PTPRN2: variants seen among roughly 807,000 people sequenced by gnomAD.
PTPRN2 encodes protein tyrosine phosphatase receptor type N2.
Under a neutral mutation model 118.8 loss-of-function variants are expected in PTPRN2, and 74 were observed. That is an observed-to-expected ratio of 0.62 (90% CI 0.52 to 0.76). The LOEUF (loss-of-function observed/expected upper bound fraction) is 0.76. Among genes scored for constraint, PTPRN2 ranks in the 30% least tolerant of loss-of-function variants. The pLI is 0.00. For synonymous variants in PTPRN2, 641 were observed against 608.0 expected, an observed-to-expected ratio of 1.05 and a Z score of -0.80; for missense variants, 1,481 against 1,394.4, an observed-to-expected ratio of 1.06 and a Z score of -0.99.
chr7:157,863,098 G>A (rs933818201), intron 12 of PTPRN2: 2 of 152,298 alleles, frequency 1.3e-5, no homozygotes. Flanking sequence ...CACACCTGGG[G>A]ATTCAGTTTT....
rs889187232 is a variant in PTPRN2 at position 157,690,176 on chromosome 7, T to C, written c.1789-7239A>G. On this transcript the variant is annotated intron_variant, in intron 12 of 22. Transcript: ENST00000389418. The surrounding 1 kb of genome is among the most constrained non-coding windows in gnomAD (Gnocchi z 7.1). ...CTGCGGGGCGCTGGGCCAGGACAGCTGCCAACCCTCCAAATCTGTGCGCTC... is the reference window on the plus strand; with the variant it reads ...CTGCGGGGCGCTGGGCCAGGACAGCCGCCAACCCTCCAAATCTGTGCGCTC... 3.3e-5 allele frequency among the ~76,000 whole-genome samples: 5 copies of C among 152,256 alleles called. No individual in the cohort carries two copies. The highest frequency in any genetic ancestry group is 3.3e-4 in the Admixed American group (5 of 15,302).
intron 1 of PTPRN2, among the ~76,000 whole-genome samples, chr7:158,576,490 G>A (rs1170172820): frequency 3.3e-5 from 5 of 152,162 alleles, no homozygotes; most frequent in Non-Finnish European, 7.4e-5. Context: ...GGGACATGGG[G>A]GCTGCTAAGG....
chr7:158,065,328 G>A (rs1810681247), intron 11 of PTPRN2, among the ~76,000 whole-genome samples: 1 of 152,214 alleles, frequency 6.6e-6, no homozygotes, highest in South Asian at 2.1e-4. Context: ...CACCCTTCAT[G>A]AAAACCAAGG....
chr7:157,633,347 T>G (rs999326636), intron 14 of PTPRN2, among the ~76,000 whole-genome samples: 1 of 152,170 alleles, frequency 6.6e-6, no homozygotes, highest in Admixed American at 6.5e-5. Context: ...TTTACCATGT[T>G]GGCCGGGCTG....
intron 6 of PTPRN2, among the ~76,000 whole-genome samples, chr7:158,146,493 A>T (rs978930828): frequency 3.0e-4 from 46 of 152,092 alleles, no homozygotes; most frequent in African/African-American, 9.7e-4. Flanking sequence ...ACGCTGAGGC[A>T]TGCGGATCAC....
intron 11 of PTPRN2, among the ~76,000 whole-genome samples, chr7:158,002,623 G>A (rs1396822489): frequency 6.6e-6 from 1 of 152,204 alleles, no homozygotes; most frequent in African/African-American, 2.4e-5. Context: ...GAGGGGTGAA[G>A]AGGAGGATGT....
chr7:157,546,163 G>A (rs1304329352), intron 22 of PTPRN2, among the ~76,000 whole-genome samples: 1 of 152,218 alleles, frequency 6.6e-6, no homozygotes, highest in Non-Finnish European at 1.5e-5. Context: ...CAAGAAGGAA[G>A]CAGCTAGGAA....
At chr7:158,211,398 G>A (rs551826055) in intron 3 of PTPRN2, among the ~76,000 whole-genome samples, 1 of 152,080 alleles carries the variant, frequency 6.6e-6, no homozygotes, top group South Asian at 2.1e-4. Context: ...CACAGCAAAG[G>A]AAACAATCAA....
At chr7:158,136,593 G>T in intron 8 of PTPRN2, 62 bp downstream of exon 8, 1 of 1,536,734 alleles carries the variant, frequency 6.5e-7, no homozygotes, top group Non-Finnish European at 9.0e-7. Flanking sequence ...CCCACACCAT[G>T]AACAAAAAGA....
intron 1 of PTPRN2, among the ~76,000 whole-genome samples, chr7:158,552,594 C>T (rs768247309): frequency 3.3e-5 from 5 of 152,062 alleles, no homozygotes; most frequent in South Asian, 2.1e-4. Flanking sequence ...TTACAGGCAC[C>T]CACCACCATG....
At chr7:158,195,442 T>C (rs1464359539) in intron 4 of PTPRN2, among the ~76,000 whole-genome samples, 2 of 152,188 alleles carry the variant, frequency 1.3e-5, no homozygotes, top group African/African-American at 2.4e-5. Flanking sequence ...TTCATGTTTC[T>C]TTTTTAGGGG....
chr7:158,183,008 C>A (rs1161155533), intron 5 of PTPRN2, among the ~76,000 whole-genome samples: 1 of 152,146 alleles, frequency 6.6e-6, no homozygotes, highest in Non-Finnish European at 1.5e-5. Flanking sequence ...ATTGTAATAT[C>A]TTCTTGTTGG....
intron 12 of PTPRN2, among the ~76,000 whole-genome samples, chr7:157,866,334 A>T (rs1454597063): frequency 2.0e-5 from 3 of 152,166 alleles, no homozygotes; most frequent in South Asian, 2.1e-4. Flanking sequence ...ACACACATGC[A>T]TATGCAGAGT....
intron 3 of PTPRN2, among the ~76,000 whole-genome samples, chr7:158,241,556 T>A (rs1795906664): frequency 1.3e-5 from 2 of 152,110 alleles, no homozygotes; most frequent in African/African-American, 4.8e-5. Context: ...ATTTAAATTT[T>A]AAAAAAATCC....
intron 12 of PTPRN2, among the ~76,000 whole-genome samples, chr7:157,816,309 G>A (rs894091706): frequency 6.6e-6 from 1 of 152,194 alleles, no homozygotes; most frequent in Non-Finnish European, 1.5e-5. Flanking sequence ...CGGGGGCCTG[G>A]GTCGGCCCCA....
At chr7:158,355,920 T>A (rs1410328076) in intron 2 of PTPRN2, among the ~76,000 whole-genome samples, 1 of 152,220 alleles carries the variant, frequency 6.6e-6, no homozygotes, top group Non-Finnish European at 1.5e-5. Flanking sequence ...GCCTCTCTGC[T>A]TATCTGCCCT....
At chr7:157,745,111 T>G (rs1638743) in intron 12 of PTPRN2, among the ~76,000 whole-genome samples, 22,029 of 152,136 alleles carry the variant, frequency 0.14, 2,060 homozygotes, top group African/African-American at 0.23. Flanking sequence ...CTAAGATTTA[T>G]AGACCGAGAC....
chr7:157,855,613 G>T (rs1044961101), intron 12 of PTPRN2, among the ~76,000 whole-genome samples: 2 of 152,210 alleles, frequency 1.3e-5, no homozygotes, highest in Non-Finnish European at 2.9e-5. Context: ...TCCCTGGAAG[G>T]GGGGATGTCA....
At chr7:158,064,309 A>G (rs1460853850) in intron 11 of PTPRN2, among the ~76,000 whole-genome samples, 1 of 152,218 alleles carries the variant, frequency 6.6e-6, no homozygotes, top group African/African-American at 2.4e-5. Flanking sequence ...AGCCCGGGAC[A>G]TGCACAGCAT....
Sources: gnomAD v4.1 joint callset for allele counts (sites outside exome capture counted in the v4.1 genomes callset) on GRCh38, gnomAD v4.1.1 for gene constraint, Gnocchi (gnomAD v3.1) non-coding constraint, MANE v1.5 for transcripts, NCBI Gene and HGNC (gene_info 2026-07-23, HGNC 2026-07-21) for gene names.